VWC2L: variants seen among roughly 807,000 people sequenced by gnomAD.
VWC2L encodes the protein von Willebrand factor C domain-containing protein 2-like.
Under a neutral mutation model 21.6 loss-of-function variants are expected in VWC2L, and 10 were observed. The observed-to-expected ratio is 0.46, with a 90% CI of 0.29 to 0.78. The LOEUF is 0.78. Among genes scored for constraint, VWC2L ranks in the 30% least tolerant of loss-of-function variants. The pLI is 0.10. For synonymous variants in VWC2L, 96 were observed against 94.3 expected (o/e 1.02, Z -0.10); for missense variants, 209 against 277.1 (o/e 0.75, Z 1.74).
chr2:214,569,203 T>C (rs1434854798), intron 3 of VWC2L, among the ~76,000 whole-genome samples: 1 of 152,140 alleles, frequency 6.6e-6, no homozygotes, highest in South Asian at 2.1e-4. Flanking sequence ...TTGTCTGCAA[T>C]CTTAAGAGCC....
chr2:214,491,106 G>A (rs1559306820), intron 3 of VWC2L, among the ~76,000 whole-genome samples: 1 of 152,144 alleles, frequency 6.6e-6, no homozygotes, highest in Non-Finnish European at 1.5e-5. Context: ...TAATCCTGAA[G>A]GTTGCATAAG....
intron 3 of VWC2L, among the ~76,000 whole-genome samples, chr2:214,457,592 C>T (rs982143441): frequency 3.9e-5 from 6 of 152,020 alleles, no homozygotes; most frequent in African/African-American, 9.7e-5. Context: ...AGACTTTCAG[C>T]TTCTTCCCAT....
chr2:214,492,214 C>A (rs4629153), intron 3 of VWC2L, among the ~76,000 whole-genome samples: 1 of 151,686 alleles, frequency 6.6e-6, no homozygotes, highest in African/African-American at 2.4e-5. Context: ...GGGTGACCCA[C>A]TAAATAGCAT....
intron 3 of VWC2L, among the ~76,000 whole-genome samples, chr2:214,475,151 G>A (rs1419751771): frequency 3.3e-5 from 5 of 152,068 alleles, no homozygotes; most frequent in Non-Finnish European, 7.4e-5. Flanking sequence ...GAAATTCTTT[G>A]TTGTACCTCA....
At chr2:214,487,286 C>A (rs567418900) in intron 3 of VWC2L, among the ~76,000 whole-genome samples, 35 of 151,924 alleles carry the variant, frequency 2.3e-4, no homozygotes, top group Admixed American at 2.0e-3. Flanking sequence ...ACATTACTTT[C>A]ATCATTAATC....
At chr2:214,445,640 T>G (rs912073675) in intron 3 of VWC2L, among the ~76,000 whole-genome samples, 65 of 151,910 alleles carry the variant, frequency 4.3e-4, no homozygotes, top group African/African-American at 1.5e-3. Flanking sequence ...ACTGCTTAAC[T>G]CTATATGATA....
intron 3 of VWC2L, among the ~76,000 whole-genome samples, chr2:214,471,667 C>T (rs1026813771): frequency 2.0e-5 from 3 of 152,116 alleles, no homozygotes; most frequent in Admixed American, 6.6e-5. Context: ...GTGTGCTCTA[C>T]GAAGAGACTA....
intron 3 of VWC2L, among the ~76,000 whole-genome samples, chr2:214,556,191 C>T (rs1193649220): frequency 2.0e-5 from 3 of 152,100 alleles, no homozygotes; most frequent in Non-Finnish European, 4.4e-5. Context: ...ACTTGGGACA[C>T]GGAGGTTGCA....
chr2:214,461,713 C>A (rs1703143927), intron 3 of VWC2L, among the ~76,000 whole-genome samples: 1 of 152,124 alleles, frequency 6.6e-6, no homozygotes, highest in African/African-American at 2.4e-5. Flanking sequence ...GTGGTACACA[C>A]AGGAGCAGGT....
At chr2:214,473,931 A>C (rs1317037523) in intron 3 of VWC2L, among the ~76,000 whole-genome samples, 1 of 152,170 alleles carries the variant, frequency 6.6e-6, no homozygotes, top group Non-Finnish European at 1.5e-5. Flanking sequence ...TCTTGGTCTC[A>C]TTAGCACATG....
intron 3 of VWC2L, among the ~76,000 whole-genome samples, chr2:214,509,465 TAAA>T (rs67599157): frequency 7.3e-5 from 11 of 150,720 alleles, no homozygotes; most frequent in African/African-American, 1.2e-4. Flanking sequence ...CTTTGCTACT[TAAA>T]AAAAAAAAAT....
intron 3 of VWC2L, among the ~76,000 whole-genome samples, chr2:214,480,520 G>C (rs1688587377): frequency 6.6e-6 from 1 of 152,182 alleles, no homozygotes; most frequent in Non-Finnish European, 1.5e-5. Context: ...GCTCAGTTTA[G>C]AAATATCTAT....
intron 3 of VWC2L, among the ~76,000 whole-genome samples, chr2:214,479,027 T>C (rs529899754): frequency 4.6e-5 from 7 of 152,346 alleles, no homozygotes; most frequent in African/African-American, 1.4e-4. Flanking sequence ...AGAACAGCTA[T>C]TTCCTCAAAA....
intron 3 of VWC2L, among the ~76,000 whole-genome samples, chr2:214,554,579 C>T (rs1328373287): frequency 1.3e-5 from 2 of 152,148 alleles, no homozygotes; most frequent in African/African-American, 2.4e-5. Context: ...AGGAGAATCG[C>T]TTGAACCCAG....
chr2:214,414,577 A>G lies in VWC2L; in HGVS notation c.384A>G (p.Glu128=), dbSNP rs1702327046. Reference sequence around the variant, plus strand: ...GGAAAAATTACAAAATCTTGGAGGAATTTAAGGTATGCGTTACCCTCCATA... The same window carrying G: ...GGAAAAATTACAAAATCTTGGAGGAGTTTAAGGTATGCGTTACCCTCCATA... ...YHGKNYKILE[E]FKPSPCEWCR... is the part of the protein sequence containing the mutation. The change falls in exon 2 of 4, where the codon GAA becomes GAG. Residue 128 remains glutamate, a synonymous_variant. Transcript: ENST00000312504. The G allele has an allele frequency of 1.9e-6, 3 of 1,612,890 alleles. No homozygotes were observed. Among genetic ancestry groups the G allele is most frequent in the Non-Finnish European group, 2.5e-6 (3 of 1,179,506 alleles).
At chr2:214,479,730 G>T (rs76998493) in intron 3 of VWC2L, among the ~76,000 whole-genome samples, 2 of 152,128 alleles carry the variant, frequency 1.3e-5, no homozygotes, top group African/African-American at 2.4e-5. Context: ...GCTTGAATCC[G>T]CAGTGAGCTG....
intron 1 of VWC2L, among the ~76,000 whole-genome samples, chr2:214,413,620 A>G (rs990871739): frequency 1.3e-5 from 2 of 152,132 alleles, no homozygotes; most frequent in Non-Finnish European, 2.9e-5. Flanking sequence ...CTCCTTCCTA[A>G]ATATAATTTA....
chr2:214,512,146 T>C (rs2105906232), intron 3 of VWC2L, among the ~76,000 whole-genome samples: 1 of 152,268 alleles, frequency 6.6e-6, no homozygotes, highest in Non-Finnish European at 1.5e-5. Flanking sequence ...CTGATTAAAA[T>C]AAATTTTTCT....
intron 3 of VWC2L, among the ~76,000 whole-genome samples, chr2:214,498,825 T>G (rs1032896448): frequency 6.6e-6 from 1 of 150,870 alleles, no homozygotes; most frequent in Non-Finnish European, 1.5e-5. Flanking sequence ...TGTGTATATA[T>G]GTGCAAAAAA....
Sources: allele counts gnomAD v4.1 joint callset (sites outside exome capture counted in the v4.1 genomes callset), GRCh38; gene constraint gnomAD v4.1.1; transcripts MANE v1.5; gene names NCBI Gene and HGNC (gene_info 2026-07-23, HGNC 2026-07-21).